DROSHA: variants seen among roughly 807,000 people sequenced by gnomAD.
DROSHA encodes ribonuclease 3.
Under a neutral mutation model 181.9 loss-of-function variants are expected in DROSHA, and 56 were observed. That is an observed-to-expected ratio of 0.31 (90% CI 0.25 to 0.38). DROSHA has a LOEUF of 0.38. Ranked by LOEUF, DROSHA falls within the 10% of genes least tolerant of loss-of-function variation. The pLI, the probability that DROSHA is intolerant of heterozygous loss-of-function variation, is 1.00. For missense variants in DROSHA, 1,218 were observed against 1,743.5 expected (o/e 0.70, Z 5.37); for synonymous variants, 524 against 591.2 (o/e 0.89, Z 1.65).
chr5:31,417,200 G>A (rs1742048431), intron 30 of DROSHA, among the ~76,000 whole-genome samples: 1 of 152,176 alleles, frequency 6.6e-6, no homozygotes, highest in Admixed American at 6.5e-5. Context: ...AGATTACCAG[G>A]AGAACAATAC....
At chr5:31,508,570 C>T in intron 10 of DROSHA, 51 bp downstream of exon 10, 1 of 1,611,118 alleles carries the variant, frequency 6.2e-7, no homozygotes. Context: ...AGAGCAATAA[C>T]CGTTATGTCT....
chr5:31,524,573 C>A (rs1378209512), intron 5 of DROSHA, among the ~76,000 whole-genome samples: 1 of 152,190 alleles, frequency 6.6e-6, no homozygotes, highest in Non-Finnish European at 1.5e-5. Context: ...AACATTAGCA[C>A]AATTGATATG....
In DROSHA at chr5:31,406,749, C is replaced by G. The variant is rs1343927785; in HGVS notation, c.3947+104G>C. On this transcript the variant is annotated intron_variant, in intron 34 of 35. Coordinates refer to ENST00000344624, the MANE Select transcript of DROSHA (RefSeq NM_001382508.1). Reference sequence around the variant, plus strand: ...TGCTACTACTCTTGAACATTTTATTCTCTGAGTTAAAAAAGACAGATGACT... The same window carrying G: ...TGCTACTACTCTTGAACATTTTATTGTCTGAGTTAAAAAAGACAGATGACT... 8 of 1,036,670 alleles carry G rather than the reference C, an allele frequency of 7.7e-6. No individual in the cohort carries two copies. In the East Asian group the frequency reaches 2.0e-4, roughly 26 times the overall value. 64.2% of individuals were successfully genotyped at this position (1,036,670 alleles called of 1,614,324 possible). A position where few individuals can be genotyped will look rare whatever the true frequency, so the allele number is the denominator to read the frequency against.
intron 20 of DROSHA, chr5:31,463,959 T>C (rs1021453533): frequency 2.6e-6 from 1 of 382,116 alleles, no homozygotes; most frequent in Non-Finnish European, 4.7e-6. Context: ...GAGGACAGAC[T>C]TACCTTTATC....
intron 22 of DROSHA, 42 bp from the exon 23 acceptor site, chr5:31,448,649 G>T: frequency 6.8e-7 from 1 of 1,479,468 alleles, no homozygotes. Context: ...AATACGGATA[G>T]AAGAATTATA....
At chr5:31,446,594 AAAGACATCCAAGTTT>A (rs1424615514) in intron 23 of DROSHA, among the ~76,000 whole-genome samples, 2 of 151,844 alleles carry the variant, frequency 1.3e-5, no homozygotes, top group Admixed American at 1.3e-4. Flanking sequence ...AGATAAATGG[AAAGACATCCAAGTTT>A]ATGAATCAGA....
Position 31,487,593 on chromosome 5 carries a change from T to C in DROSHA, c.1843-1031A>G, listed in dbSNP as rs528029147. 3.3e-5 allele frequency among the ~76,000 whole-genome samples: 5 copies of C among 152,324 alleles called. No homozygotes were observed. In the South Asian group the frequency reaches 1.0e-3, roughly 32 times the overall value. ...GCTGCTTAATCTGTCCATAAGATGA[T>C]TTTATACAGATGTAATCATTTTCAT... On this transcript the variant is annotated intron_variant, in intron 13 of 35. Coordinates refer to ENST00000344624, the MANE Select transcript of DROSHA (RefSeq NM_001382508.1).
chr5:31,490,640 C>T (rs1187079043), intron 13 of DROSHA, among the ~76,000 whole-genome samples: 1 of 152,172 alleles, frequency 6.6e-6, no homozygotes, highest in African/African-American at 2.4e-5. Flanking sequence ...ACTTATAGAA[C>T]TAGATTTGGT....
At chr5:31,446,000 T>C (rs114420423) in intron 23 of DROSHA, among the ~76,000 whole-genome samples, 3,996 of 152,298 alleles carry the variant, frequency 0.026, 142 homozygotes, top group Admixed American at 0.095. Flanking sequence ...GTAGATGATA[T>C]TATTTCAAAA....
In DROSHA at chr5:31,521,424, G is replaced by A. The variant is rs146299469; in HGVS notation, c.855-209C>T. On this transcript the variant is annotated intron_variant, in intron 5 of 35. Coordinates refer to ENST00000344624, the MANE Select transcript of DROSHA (RefSeq NM_001382508.1). The stretch of plus-strand genomic sequence containing the variant: ...AAGTTAACTAACTTGGAGAATTTTT[G>A]CAGTTTTCTTTAAAGAAAGAAGTCA... 2.1e-4 allele frequency among the ~76,000 whole-genome samples: 32 copies of A among 152,220 alleles called. No homozygotes were observed. The East Asian group carries it at 6.0e-3, about 28-fold the overall frequency.
intron 10 of DROSHA, chr5:31,505,821 A>C (rs1326050606): frequency 1.3e-5 from 2 of 152,188 alleles, no homozygotes; most frequent in Admixed American, 6.5e-5. Flanking sequence ...ATATACACAC[A>C]CATATTTCTT....
At chr5:31,509,406 T>A (rs1282373228) in intron 9 of DROSHA, among the ~76,000 whole-genome samples, 2 of 152,256 alleles carry the variant, frequency 1.3e-5, no homozygotes, top group East Asian at 3.9e-4. Flanking sequence ...TATGTAATGA[T>A]CCATAAAAGG....
intron 20 of DROSHA, among the ~76,000 whole-genome samples, chr5:31,452,327 T>A (rs958020479): frequency 2.0e-5 from 3 of 152,214 alleles, no homozygotes; most frequent in Non-Finnish European, 4.4e-5. Flanking sequence ...TATGCCACCC[T>A]AAGTTTGACA....
chr5:31,473,140 C>T (rs185869387), intron 16 of DROSHA, among the ~76,000 whole-genome samples: 71 of 152,270 alleles, frequency 4.7e-4, no homozygotes, highest in African/African-American at 1.4e-3. Flanking sequence ...AACAGTAGTA[C>T]AGGACCAAAC....
At chr5:31,405,278 G>T (rs1740502262) in intron 35 of DROSHA, among the ~76,000 whole-genome samples, 1 of 151,596 alleles carries the variant, frequency 6.6e-6, no homozygotes, top group African/African-American at 2.4e-5. Context: ...TGAGGCAGGA[G>T]AATCACCTGA....
chr5:31,462,612 T>C (rs1412892278), intron 20 of DROSHA, among the ~76,000 whole-genome samples: 1 of 138,620 alleles, frequency 7.2e-6, no homozygotes, highest in Non-Finnish European at 1.5e-5. Context: ...CTGGAACAGA[T>C]AATTCAGCAC....
At chr5:31,517,753 T>A (rs1050670863) in intron 6 of DROSHA, among the ~76,000 whole-genome samples, 1 of 151,788 alleles carries the variant, frequency 6.6e-6, no homozygotes, top group Non-Finnish European at 1.5e-5. Context: ...AATTAAAGAG[T>A]CATTATGAAG....
chr5:31,495,641 A>G (rs567228479), intron 11 of DROSHA, among the ~76,000 whole-genome samples: 1 of 152,298 alleles, frequency 6.6e-6, no homozygotes, highest in East Asian at 1.9e-4. Context: ...GGGGCCTCCA[A>G]AATACCATGA....
intron 16 of DROSHA, among the ~76,000 whole-genome samples, chr5:31,479,405 C>T (rs1750761165): frequency 6.6e-6 from 1 of 152,144 alleles, no homozygotes; most frequent in Non-Finnish European, 1.5e-5. Context: ...ATAAATGGTG[C>T]TGGGTCAATT....
Sources: allele counts gnomAD v4.1 joint callset (sites outside exome capture counted in the v4.1 genomes callset), GRCh38; gene constraint gnomAD v4.1.1; transcripts MANE v1.5; gene names NCBI Gene and HGNC (gene_info 2026-07-23, HGNC 2026-07-21).